RBFOX1: variants seen among roughly 807,000 people sequenced by gnomAD.
RBFOX1 encodes the protein RNA binding protein fox-1 homolog 1.
A neutral mutation model predicts 57.7 loss-of-function variants in RBFOX1; 8 were observed. The ratio of observed to expected loss-of-function variants is 0.14; its 90% confidence interval spans 0.08 to 0.25. The LOEUF is 0.25. RBFOX1 is among the 10% of genes least tolerant of loss of function. RBFOX1 has a pLI of 1.00. For missense variants in RBFOX1, 611 were observed against 548.5 expected, an observed-to-expected ratio of 1.11 and a Z score of -1.14; for synonymous variants, 326 against 222.4, an observed-to-expected ratio of 1.47 and a Z score of -4.15.
chr16:6,873,844 G>C (rs968742913), intron 3 of RBFOX1: 1 of 152,088 alleles, frequency 6.6e-6, no homozygotes, highest in Non-Finnish European at 1.5e-5. Flanking sequence ...GAAACATTAA[G>C]TAACTTGCAT....
intron 1 of RBFOX1, among the ~76,000 whole-genome samples, chr16:6,160,504 G>A (rs1053946682): frequency 2.6e-5 from 4 of 152,010 alleles, no homozygotes; most frequent in African/African-American, 7.2e-5. Context: ...ATCACCCTGG[G>A]CAAACACCGT....
At chr16:7,424,738 C>G (rs1195667519) in intron 4 of RBFOX1, among the ~76,000 whole-genome samples, 2 of 152,138 alleles carry the variant, frequency 1.3e-5, no homozygotes, top group African/African-American at 4.8e-5. Context: ...AGTTTGGGAT[C>G]ATAGTATTAT....
intron 2 of RBFOX1, among the ~76,000 whole-genome samples, chr16:6,634,846 TATA>T (rs1403594420): frequency 1.4e-5 from 2 of 139,868 alleles, no homozygotes; most frequent in Non-Finnish European, 3.0e-5. Flanking sequence ...TTGTATTATA[TATA>T]ATACTTTAAA....
intron 3 of RBFOX1, among the ~76,000 whole-genome samples, chr16:6,853,977 G>C (rs759271386): frequency 1.3e-5 from 2 of 152,086 alleles, no homozygotes; most frequent in African/African-American, 2.4e-5. Flanking sequence ...AGTCATCTCC[G>C]TAATGAGCTA....
At chr16:5,598,631 C>T (rs1374636350) in intron 2 of RBFOX1, among the ~76,000 whole-genome samples, 3 of 152,070 alleles carry the variant, frequency 2.0e-5, no homozygotes, top group African/African-American at 7.2e-5. Context: ...TTTTCTTCAT[C>T]ATGTCCTGAA....
At chr16:6,730,261 C>G (rs1295546188) in intron 3 of RBFOX1, among the ~76,000 whole-genome samples, 1 of 152,090 alleles carries the variant, frequency 6.6e-6, no homozygotes, top group Non-Finnish European at 1.5e-5. Flanking sequence ...GAACCGTACA[C>G]CAGTGTACGG....
chr16:6,118,326 T>C (rs187150883), intron 1 of RBFOX1, among the ~76,000 whole-genome samples: 193 of 152,330 alleles, frequency 1.3e-3, no homozygotes, highest in Middle Eastern at 6.8e-3. Flanking sequence ...TATTACAAAA[T>C]ACCTTACATT....
chr16:7,268,070 G>C (rs1390940587), intron 4 of RBFOX1, among the ~76,000 whole-genome samples: 1 of 152,138 alleles, frequency 6.6e-6, no homozygotes, highest in Non-Finnish European at 1.5e-5. Flanking sequence ...TTGCATCTAG[G>C]CTACAAAGCT....
intron 3 of RBFOX1, among the ~76,000 whole-genome samples, chr16:7,034,834 T>C (rs1280304658): frequency 1.2e-5 from 1 of 86,062 alleles, no homozygotes; most frequent in African/African-American, 4.9e-5. Context: ...TTACTTTTTT[T>C]TTTTTTCTTT....
intron 4 of RBFOX1, among the ~76,000 whole-genome samples, chr16:7,148,685 C>G (rs1174146537): frequency 2.0e-5 from 3 of 152,200 alleles, no homozygotes; most frequent in East Asian, 1.9e-4. Context: ...CCGCTCTACT[C>G]TCTACAGTTT....
At chr16:6,688,878 A>T (rs1300201075) in intron 3 of RBFOX1, among the ~76,000 whole-genome samples, 1 of 152,166 alleles carries the variant, frequency 6.6e-6, no homozygotes, top group East Asian at 1.9e-4. Flanking sequence ...ATGAGGGAGA[A>T]CATGCAGTAC....
At chr16:6,814,177 C>G (rs1189823819) in intron 3 of RBFOX1, among the ~76,000 whole-genome samples, 5 of 147,202 alleles carry the variant, frequency 3.4e-5, no homozygotes, top group African/African-American at 5.0e-5. Context: ...ATTCTGAGAT[C>G]TCATTGCATG....
chr16:6,734,744 C>T (rs1240638005), intron 3 of RBFOX1, among the ~76,000 whole-genome samples: 12 of 152,146 alleles, frequency 7.9e-5, no homozygotes, highest in Admixed American at 7.9e-4. Flanking sequence ...TCTTTTCCTC[C>T]TTTTACCCCT....
chr16:5,325,170 G>A (rs538534508), intron 1 of RBFOX1, among the ~76,000 whole-genome samples: 14 of 152,228 alleles, frequency 9.2e-5, no homozygotes, highest in African/African-American at 2.9e-4. Context: ...TCCCTCCTGT[G>A]TGCTTGGCCC....
At chr16:5,945,674 CT>C (rs1862277121) in intron 4 of RBFOX1, among the ~76,000 whole-genome samples, 1 of 152,248 alleles carries the variant, frequency 6.6e-6, no homozygotes, top group African/African-American at 2.4e-5. Flanking sequence ...TTTAGCACCC[CT>C]GCCCTTCTGC....
chr16:6,603,320 C>T (rs1047610254), intron 2 of RBFOX1, among the ~76,000 whole-genome samples: 1 of 152,122 alleles, frequency 6.6e-6, no homozygotes, highest in African/African-American at 2.4e-5. Flanking sequence ...GAGAACCTGG[C>T]AGTTGGAGTC....
intron 1 of RBFOX1, among the ~76,000 whole-genome samples, chr16:6,225,432 C>A (rs2097409152): frequency 6.6e-6 from 1 of 152,094 alleles, no homozygotes; most frequent in Non-Finnish European, 1.5e-5. Context: ...TCAAGATCAA[C>A]CCTATCTGGA....
At chr16:7,006,604 C>G (rs2093316111) in intron 3 of RBFOX1, among the ~76,000 whole-genome samples, 1 of 151,984 alleles carries the variant, frequency 6.6e-6, no homozygotes, top group South Asian at 2.1e-4. Context: ...TGGGAACCAC[C>G]ACACCTGGCT....
At chr16:6,731,016 G>A (rs1192111335) in intron 3 of RBFOX1, among the ~76,000 whole-genome samples, 1 of 152,154 alleles carries the variant, frequency 6.6e-6, no homozygotes, top group Non-Finnish European at 1.5e-5. Context: ...GATCACAAAA[G>A]AGAGGTTATG....
Sources: gnomAD v4.1 joint callset for allele counts (sites outside exome capture counted in the v4.1 genomes callset) on GRCh38, gnomAD v4.1.1 for gene constraint, MANE v1.5 for transcripts, NCBI Gene and HGNC (gene_info 2026-07-23, HGNC 2026-07-21) for gene names.